PHACTR1: variants seen among roughly 807,000 people sequenced by gnomAD.
PHACTR1 encodes the protein phosphatase and actin regulator 1.
Under a neutral mutation model 69.2 loss-of-function variants are expected in PHACTR1, and 16 were observed. That is an observed-to-expected ratio of 0.23 (90% CI 0.16 to 0.35). The LOEUF (loss-of-function observed/expected upper bound fraction) is 0.35, where lower values mean the gene tolerates loss of function less well. Ranked by LOEUF, PHACTR1 falls within the 10% of genes least tolerant of loss-of-function variation. The pLI, the probability that PHACTR1 is intolerant of heterozygous loss-of-function variation, is 1.00. For synonymous variants in PHACTR1, 312 were observed against 284.5 expected (o/e 1.10, Z -0.97); for missense variants, 510 against 734.7 (o/e 0.69, Z 3.54).
intron 5 of PHACTR1, among the ~76,000 whole-genome samples, chr6:13,066,985 C>G (rs1808748786): frequency 6.6e-6 from 1 of 152,094 alleles, no homozygotes; most frequent in African/African-American, 2.4e-5. Context: ...GTGTGGATGC[C>G]AGAACAAGGT....
At chr6:13,256,010 C>T (rs2127408380) in intron 10 of PHACTR1, among the ~76,000 whole-genome samples, 1 of 152,378 alleles carries the variant, frequency 6.6e-6, no homozygotes, top group South Asian at 2.1e-4. Context: ...AGAGGTTCTC[C>T]ATGAGGGCTC....
At chr6:12,986,446 G>A (rs1344498898) in intron 4 of PHACTR1, among the ~76,000 whole-genome samples, 1 of 152,126 alleles carries the variant, frequency 6.6e-6, no homozygotes, top group Non-Finnish European at 1.5e-5. Context: ...AATTCACGGA[G>A]TGCTATGGGC....
chr6:13,147,979 C>T (rs188253928), intron 5 of PHACTR1, among the ~76,000 whole-genome samples: 84 of 152,280 alleles, frequency 5.5e-4, no homozygotes, highest in Non-Finnish European at 1.0e-3. Context: ...CCAGAGGTAG[C>T]CACTGTCCTG....
chr6:13,224,281 A>G (rs764911603), intron 8 of PHACTR1, among the ~76,000 whole-genome samples: 7 of 152,238 alleles, frequency 4.6e-5, no homozygotes, highest in Non-Finnish European at 7.3e-5. Flanking sequence ...ACTCTCTCCC[A>G]TAAACACAGG....
At chr6:12,902,268 C>A (rs943708787) in intron 4 of PHACTR1, among the ~76,000 whole-genome samples, 2 of 152,178 alleles carry the variant, frequency 1.3e-5, no homozygotes, top group Non-Finnish European at 2.9e-5. Context: ...ATTAAAAATA[C>A]AAAAATTAGC....
chr6:13,079,779 G>A (rs1273165681), intron 5 of PHACTR1, among the ~76,000 whole-genome samples: 1 of 152,064 alleles, frequency 6.6e-6, no homozygotes, highest in Non-Finnish European at 1.5e-5. Flanking sequence ...ATTAAAAGTA[G>A]CAGTGTGATA....
At chr6:13,049,122 T>C (rs976045415) in intron 4 of PHACTR1, among the ~76,000 whole-genome samples, 7 of 152,256 alleles carry the variant, frequency 4.6e-5, no homozygotes, top group Non-Finnish European at 8.8e-5. Context: ...CCTGTGTTCC[T>C]TGCCACTCTT....
At chr6:13,256,254 G>C (rs1775182566) in intron 10 of PHACTR1, among the ~76,000 whole-genome samples, 1 of 152,234 alleles carries the variant, frequency 6.6e-6, no homozygotes, top group African/African-American at 2.4e-5. Flanking sequence ...AGGCTGCACA[G>C]GGCAGCGGGG....
At chr6:13,174,547 A>G (rs1213137453) in intron 6 of PHACTR1, among the ~76,000 whole-genome samples, 2 of 152,232 alleles carry the variant, frequency 1.3e-5, no homozygotes, top group Admixed American at 6.5e-5. Context: ...AAATGTAGCC[A>G]TGGTTTCATG....
chr6:13,176,597 A>T (rs1347491839), intron 6 of PHACTR1, among the ~76,000 whole-genome samples: 2 of 152,174 alleles, frequency 1.3e-5, no homozygotes, highest in East Asian at 3.8e-4. Flanking sequence ...TGCAAATTAA[A>T]AATCAGAAAG....
intron 4 of PHACTR1, among the ~76,000 whole-genome samples, chr6:13,034,546 C>T (rs1309702962): frequency 2.0e-5 from 3 of 152,096 alleles, no homozygotes; most frequent in African/African-American, 7.2e-5. Flanking sequence ...ACTGTTTCTC[C>T]CCCAGTGGAC....
At chr6:13,211,265 C>T (rs977445203) in intron 8 of PHACTR1, among the ~76,000 whole-genome samples, 3 of 152,050 alleles carry the variant, frequency 2.0e-5, no homozygotes, top group African/African-American at 7.3e-5. Flanking sequence ...TTATCCCTCA[C>T]CAGCCTCCCA....
chr6:12,725,767 C>T (rs1315722771), intron 3 of PHACTR1, among the ~76,000 whole-genome samples: 1 of 152,170 alleles, frequency 6.6e-6, no homozygotes, highest in Non-Finnish European at 1.5e-5. Flanking sequence ...ATAGCATCTT[C>T]TTGGTGCTTA....
intron 4 of PHACTR1, among the ~76,000 whole-genome samples, chr6:12,757,284 C>T (rs987464955): frequency 2.0e-5 from 3 of 152,002 alleles, no homozygotes; most frequent in Admixed American, 6.6e-5. Context: ...CTAGAGTGTT[C>T]CTGGCATGGC....
intron 5 of PHACTR1, among the ~76,000 whole-genome samples, chr6:13,118,985 A>C (rs1818241316): frequency 6.6e-6 from 1 of 152,224 alleles, no homozygotes; most frequent in African/African-American, 2.4e-5. Context: ...CCTATGAGTC[A>C]AAAAGCACCT....
intron 4 of PHACTR1, among the ~76,000 whole-genome samples, chr6:12,766,344 T>C (rs1768608240): frequency 6.6e-6 from 1 of 152,192 alleles, no homozygotes; most frequent in South Asian, 2.1e-4. Flanking sequence ...AGCTGAGAGA[T>C]TACCTATTCC....
chr6:13,191,859 C>T (rs1763649203), intron 7 of PHACTR1, among the ~76,000 whole-genome samples: 1 of 152,216 alleles, frequency 6.6e-6, no homozygotes, highest in African/African-American at 2.4e-5. Flanking sequence ...CTTTTCTACC[C>T]ATTTCTCCAT....
intron 4 of PHACTR1, among the ~76,000 whole-genome samples, chr6:12,952,466 A>G (rs1183258914): frequency 6.6e-6 from 1 of 152,162 alleles, no homozygotes; most frequent in African/African-American, 2.4e-5. Flanking sequence ...ATGTAGTCAG[A>G]CTCAAACAGT....
intron 8 of PHACTR1, among the ~76,000 whole-genome samples, chr6:13,224,100 A>T (rs1186238358): frequency 1.3e-5 from 2 of 152,252 alleles, no homozygotes; most frequent in African/African-American, 4.8e-5. Context: ...AAAGCAATAG[A>T]CAATTACTGA....
Sources: allele counts gnomAD v4.1 joint callset (sites outside exome capture counted in the v4.1 genomes callset), GRCh38; gene constraint gnomAD v4.1.1; transcripts MANE v1.5; gene names NCBI Gene and HGNC (gene_info 2026-07-23, HGNC 2026-07-21).